Variants in STPG2 observed in about 807,000 individuals in gnomAD.
STPG2 encodes the protein sperm tail PG-rich repeat containing 2.
A neutral mutation model predicts 54.2 loss-of-function variants in STPG2; 56 were observed. That is an observed-to-expected ratio of 1.03 (90% CI 0.83 to 1.29). The LOEUF (loss-of-function observed/expected upper bound fraction) is 1.29. Among genes scored for constraint, STPG2 ranks in the 50% most tolerant of loss-of-function variants. The pLI, the probability that STPG2 is intolerant of heterozygous loss-of-function variation, is 0.00. For missense variants in STPG2, 596 were observed against 544.9 expected, an observed-to-expected ratio of 1.09 and a Z score of -0.93; for synonymous variants, 200 against 181.8, an observed-to-expected ratio of 1.10 and a Z score of -0.81.
chr4:97,957,486 A>G (rs1337735536), intron 7 of STPG2, among the ~76,000 whole-genome samples: 4 of 152,150 alleles, frequency 2.6e-5, no homozygotes, highest in African/African-American at 7.2e-5. Context: ...AGAAGTTTGG[A>G]AAACATACTT....
chr4:97,858,142 T>C (rs1197000236), intron 8 of STPG2, among the ~76,000 whole-genome samples: 5 of 152,066 alleles, frequency 3.3e-5, no homozygotes, highest in Non-Finnish European at 7.4e-5. Flanking sequence ...AAAGTGATAA[T>C]GTCAGAGAAC....
chr4:97,938,983 T>C (rs1029008360), intron 8 of STPG2, among the ~76,000 whole-genome samples: 7 of 152,180 alleles, frequency 4.6e-5, no homozygotes, highest in Admixed American at 4.6e-4. Flanking sequence ...GCCTTAGCTG[T>C]ATCTCAGAGT....
chr4:97,455,321 C>T (rs1374646393), intron 4 of STPG2, among the ~76,000 whole-genome samples: 1 of 152,060 alleles, frequency 6.6e-6, no homozygotes, highest in Non-Finnish European at 1.5e-5. Context: ...TTTTTGTGTC[C>T]AAATGTTGCA....
intron 10 of STPG2, among the ~76,000 whole-genome samples, chr4:97,671,886 T>A (rs1722707840): frequency 6.6e-6 from 1 of 152,124 alleles, no homozygotes; most frequent in African/African-American, 2.4e-5. Context: ...GCTATATTCC[T>A]AAAAACTAAA....
At chr4:97,658,654 C>T (rs937532975) in intron 10 of STPG2, among the ~76,000 whole-genome samples, 8 of 152,150 alleles carry the variant, frequency 5.3e-5, no homozygotes, top group South Asian at 2.1e-4. Flanking sequence ...AGACTGGGTA[C>T]GAGGCCAGAC....
chr4:98,042,640 C>T (rs1013574416), intron 5 of STPG2, among the ~76,000 whole-genome samples: 1 of 151,864 alleles, frequency 6.6e-6, no homozygotes, highest in Non-Finnish European at 1.5e-5. Flanking sequence ...TTATTGACTT[C>T]TCTTTTAATT....
intron 9 of STPG2, among the ~76,000 whole-genome samples, chr4:97,835,029 G>C (rs865856406): frequency 1.3e-5 from 2 of 152,050 alleles, no homozygotes; most frequent in East Asian, 1.9e-4. Flanking sequence ...CTTAAGTAGT[G>C]GTTGGGTAAA....
intron 3 of STPG2, among the ~76,000 whole-genome samples, chr4:98,114,828 T>C (rs1739470537): frequency 1.3e-5 from 2 of 151,614 alleles, no homozygotes; most frequent in African/African-American, 4.8e-5. Flanking sequence ...ACCACATGAA[T>C]TGACAAGTAC....
At chr4:97,983,549 C>A (rs113307832) in intron 5 of STPG2, among the ~76,000 whole-genome samples, 3 of 152,062 alleles carry the variant, frequency 2.0e-5, no homozygotes, top group Non-Finnish European at 4.4e-5. Context: ...AGGTGGGGGG[C>A]CCTTCATATT....
chr4:97,529,202 A>AT, intron 4 of STPG2, among the ~76,000 whole-genome samples: 1 of 152,320 alleles, frequency 6.6e-6, no homozygotes, highest in Admixed American at 6.5e-5. Context: ...AGTCTGTTGA[A>AT]TTTTATCGAA....
At chr4:97,690,155 A>G (rs1723320605) in intron 10 of STPG2, among the ~76,000 whole-genome samples, 1 of 152,338 alleles carries the variant, frequency 6.6e-6, no homozygotes, top group Non-Finnish European at 1.5e-5. Context: ...CTTTACTTTT[A>G]CAAGGTGAAA....
intron 4 of STPG2, among the ~76,000 whole-genome samples, chr4:97,461,857 ATATCTATAAT>A (rs1298594066): frequency 6.6e-6 from 1 of 152,044 alleles, no homozygotes; most frequent in African/African-American, 2.4e-5. Flanking sequence ...TCATTTCTAG[ATATCTATAAT>A]TAGATATCTT....
intron 5 of STPG2, among the ~76,000 whole-genome samples, chr4:97,998,071 G>A (rs529011333): frequency 5.3e-5 from 8 of 152,186 alleles, no homozygotes; most frequent in South Asian, 2.1e-4. Context: ...AAAATAGTTC[G>A]GTGATGATAA....
chr4:97,709,206 C>A (rs1578497679), intron 10 of STPG2, among the ~76,000 whole-genome samples: 1 of 151,262 alleles, frequency 6.6e-6, no homozygotes, highest in Admixed American at 6.6e-5. Context: ...AAAATCACAG[C>A]CAAATAAGTG....
Position 97,449,151 on chromosome 4 carries a change from T to C in STPG2, c.463-261318A>G, listed in dbSNP as rs1729302230. The stretch of plus-strand genomic sequence containing the variant: ...ATTAAATATTCTTCTAAAAGTCATA[T>C]ATATTTGGTAGAGGCAAAAACCTTT... On this transcript the variant is annotated intron_variant, in intron 4 of 4. Coordinates refer to the STPG2 transcript ENST00000522676. Among the ~76,000 whole-genome samples, 3 of 152,138 alleles carry C rather than the reference T, an allele frequency of 2.0e-5. No individual in the cohort carries two copies. The South Asian group carries it at 6.2e-4, about 31-fold the overall frequency.
intron 8 of STPG2, among the ~76,000 whole-genome samples, chr4:97,893,584 A>T (rs1730849268): frequency 6.6e-6 from 1 of 152,044 alleles, no homozygotes; most frequent in Non-Finnish European, 1.5e-5. Flanking sequence ...GGAAAAGAAA[A>T]ATCATCCCCT....
intron 5 of STPG2, among the ~76,000 whole-genome samples, chr4:98,045,962 C>T (rs765789342): frequency 6.9e-5 from 4 of 57,572 alleles, no homozygotes; most frequent in Non-Finnish European, 1.2e-4. Flanking sequence ...TCTTTCTCTT[C>T]TCTCCTTCTT....
rs1027793256 is a variant in STPG2 at position 98,098,710 on chromosome 4, T to C, written c.612+7243A>G. On this transcript the variant is annotated intron_variant, in intron 5 of 10. Coordinates refer to ENST00000295268, the MANE Select transcript of STPG2 (RefSeq NM_174952.3). ...CAGCTCACAGAATGAGAGAAAATAT[T>C]TGCAAACCCATCTGACAAGGGATTC... Among the ~76,000 whole-genome samples the C allele has an allele frequency of 4.6e-5, 7 of 152,140 alleles. 1 individual carries two copies. The highest frequency in any genetic ancestry group is 3.9e-4 in the Admixed American group (6 of 15,274).
chr4:97,816,081 C>T (rs563492546), intron 9 of STPG2, among the ~76,000 whole-genome samples: 1 of 152,170 alleles, frequency 6.6e-6, no homozygotes, highest in East Asian at 1.9e-4. Context: ...CTCCCTGTGT[C>T]CATGTGTTCT....
Sources: allele counts gnomAD v4.1 joint callset (sites outside exome capture counted in the v4.1 genomes callset), GRCh38; gene constraint gnomAD v4.1.1; transcripts MANE v1.5; gene names NCBI Gene and HGNC (gene_info 2026-07-23, HGNC 2026-07-21).